Variants in CNBD1 observed in about 807,000 individuals in gnomAD.
CNBD1 encodes the protein cyclic nucleotide binding domain containing 1.
CNBD1 carries 71 observed loss-of-function variants against 54.4 expected under a neutral mutation model. The ratio of observed to expected loss-of-function variants is 1.30; its 90% CI spans 1.08 to 1.59. The LOEUF is 1.59. Among genes scored for constraint, CNBD1 ranks in the 40% most tolerant of loss-of-function variants. CNBD1 has a pLI of 0.00. For synonymous variants in CNBD1, 182 were observed against 170.7 expected, an observed-to-expected ratio of 1.07 and a Z score of -0.51; for missense variants, 659 against 518.0, an observed-to-expected ratio of 1.27 and a Z score of -2.64.
At chr8:87,038,730 A>T (rs1005472260) in intron 4 of CNBD1, among the ~76,000 whole-genome samples, 28 of 152,208 alleles carry the variant, frequency 1.8e-4, no homozygotes, top group African/African-American at 6.8e-4. Flanking sequence ...TTAAATTATA[A>T]ACTAAATGTC....
At chr8:87,308,980 C>G (rs1352404618) in intron 8 of CNBD1, among the ~76,000 whole-genome samples, 2 of 152,108 alleles carry the variant, frequency 1.3e-5, no homozygotes, top group Non-Finnish European at 2.9e-5. Context: ...TTTTCTTTAT[C>G]CATTCATTTC....
Position 86,962,785 on chromosome 8 carries a change from C to CA in CNBD1, c.431+23039dup, listed in dbSNP as rs199789958. 5.3e-3 allele frequency among the ~76,000 whole-genome samples: 773 copies of CA among 144,858 alleles called. 11 individuals carry two copies. Among genetic ancestry groups the CA allele is most frequent in the East Asian group, 0.023 (114 of 4,898 alleles). On this transcript the variant is annotated intron_variant, in intron 4 of 10. Coordinates refer to ENST00000518476, the MANE Select transcript of CNBD1 (RefSeq NM_173538.3). ...TGGGCAACAGAGCAAGACTCCATCT[C>CA]AAAAAAAACACAAAAAACAAAAAAC... is the stretch of plus-strand genomic sequence containing the variant.
At chr8:87,337,518 C>A (rs757653721) in intron 8 of CNBD1, among the ~76,000 whole-genome samples, 1 of 152,342 alleles carries the variant, frequency 6.6e-6, no homozygotes, top group Admixed American at 6.5e-5. Context: ...GCCATTCCCT[C>A]CCCCTGGCTT....
intron 4 of CNBD1, among the ~76,000 whole-genome samples, chr8:87,076,341 C>T (rs115312029): frequency 6.6e-6 from 1 of 152,104 alleles, no homozygotes; most frequent in African/African-American, 2.4e-5. Context: ...CATATGGTCA[C>T]TCTACAAATA....
At chr8:86,911,014 C>G (rs978182567) in intron 3 of CNBD1, among the ~76,000 whole-genome samples, 1 of 152,126 alleles carries the variant, frequency 6.6e-6, no homozygotes, top group South Asian at 2.1e-4. Context: ...GCATATCCCA[C>G]GAAGAAGCTG....
At chr8:87,137,602 C>T (rs1812283467) in intron 4 of CNBD1, among the ~76,000 whole-genome samples, 2 of 152,084 alleles carry the variant, frequency 1.3e-5, no homozygotes, top group Admixed American at 1.3e-4. Context: ...TGGCCAAAAC[C>T]AAGGAGTCAG....
rs147576776 is a variant in CNBD1, at chr8:87,372,161, T to G, written c.1304-10459T>G. Among the ~76,000 whole-genome samples, 591 of 152,170 alleles carry G rather than the reference T, an allele frequency of 3.9e-3. 6 individuals are homozygous for G. Among genetic ancestry groups the G allele is most frequent in the African/African-American group, 0.014 (565 of 41,546 alleles). On this transcript the variant is annotated intron_variant, in intron 10 of 10. Coordinates refer to ENST00000518476, the MANE Select transcript of CNBD1 (RefSeq NM_173538.3). ...CAAGTCTCAGGATACAAAATCAATG[T>G]ACAAAAATCACAAGCATTCTTATAC...
intron 4 of CNBD1, among the ~76,000 whole-genome samples, chr8:86,951,441 G>T (rs1458058967): frequency 6.6e-6 from 1 of 151,466 alleles, no homozygotes; most frequent in Non-Finnish European, 1.5e-5. Flanking sequence ...GTAGCTGGGT[G>T]TGGTGGTGGG....
At chr8:87,216,678 T>C (rs2130805512) in intron 5 of CNBD1, among the ~76,000 whole-genome samples, 1 of 152,286 alleles carries the variant, frequency 6.6e-6, no homozygotes, top group Admixed American at 6.5e-5. Context: ...TCTTACTAGT[T>C]CTACACCAGT....
intron 8 of CNBD1, among the ~76,000 whole-genome samples, chr8:87,310,288 G>T (rs1047875071): frequency 6.6e-6 from 1 of 152,118 alleles, no homozygotes; most frequent in Non-Finnish European, 1.5e-5. Context: ...CCAGGAGGTA[G>T]AGGGTGCATT....
intron 4 of CNBD1, among the ~76,000 whole-genome samples, chr8:87,098,777 C>T (rs1167246279): frequency 2.0e-5 from 3 of 149,930 alleles, no homozygotes; most frequent in Non-Finnish European, 3.0e-5. Flanking sequence ...GTGGCTCATG[C>T]GTGTAATCTC....
chr8:87,107,388 A>G (rs1369190992), intron 4 of CNBD1, among the ~76,000 whole-genome samples: 1 of 152,170 alleles, frequency 6.6e-6, no homozygotes, highest in African/African-American at 2.4e-5. Flanking sequence ...ATACTTCAGG[A>G]CACTGTCCAT....
chr8:86,976,108 T>C (rs190809211), intron 4 of CNBD1, among the ~76,000 whole-genome samples: 3 of 151,890 alleles, frequency 2.0e-5, no homozygotes, highest in Admixed American at 6.6e-5. Flanking sequence ...TTTGAGTTTC[T>C]TATATATTTG....
intron 10 of CNBD1, among the ~76,000 whole-genome samples, chr8:87,375,600 G>A (rs571014686): frequency 4.0e-5 from 6 of 151,866 alleles, no homozygotes; most frequent in South Asian, 2.1e-4. Context: ...CATAGGAACC[G>A]AATCAAGGTT....
intron 4 of CNBD1, among the ~76,000 whole-genome samples, chr8:87,055,002 A>G (rs941052643): frequency 6.6e-6 from 1 of 152,192 alleles, no homozygotes; most frequent in African/African-American, 2.4e-5. Context: ...AGCCTCAGAA[A>G]TAAAAGTCAA....
At chr8:87,154,109 A>C (rs1481772924) in intron 4 of CNBD1, among the ~76,000 whole-genome samples, 1 of 152,184 alleles carries the variant, frequency 6.6e-6, no homozygotes, top group Admixed American at 6.5e-5. Context: ...TCGTCTTTCT[A>C]GGATTATTTA....
intron 4 of CNBD1, among the ~76,000 whole-genome samples, chr8:87,049,815 A>G (rs1005131430): frequency 6.6e-5 from 10 of 152,204 alleles, no homozygotes; most frequent in Admixed American, 1.3e-4. Flanking sequence ...CTGCTGTATT[A>G]TGTGGAGTAT....
chr8:87,120,164 T>C (rs1811861843), intron 4 of CNBD1, among the ~76,000 whole-genome samples: 1 of 152,090 alleles, frequency 6.6e-6, no homozygotes, highest in Non-Finnish European at 1.5e-5. Flanking sequence ...TATTAGTTCT[T>C]TGTATATTTG....
chr8:87,256,323 A>T (rs982012115), intron 6 of CNBD1, among the ~76,000 whole-genome samples: 2 of 151,718 alleles, frequency 1.3e-5, no homozygotes, highest in African/African-American at 4.8e-5. Flanking sequence ...TGCCTGGCCC[A>T]AAAATATACT....
Sources: gnomAD v4.1 joint callset for allele counts (sites outside exome capture counted in the v4.1 genomes callset) on GRCh38, gnomAD v4.1.1 for gene constraint, MANE v1.5 for transcripts, NCBI Gene and HGNC (gene_info 2026-07-23, HGNC 2026-07-21) for gene names.